PCDHA11: variants seen among roughly 807,000 people sequenced by gnomAD.
PCDHA11 encodes the protein protocadherin alpha 11, also known as protocadherin alpha-11.
In PCDHA11, 61 loss-of-function variants were observed where a neutral mutation model predicts 70.3. The ratio of observed to expected loss-of-function variants is 0.87; its 90% CI spans 0.71 to 1.07. The LOEUF is 1.07. Among genes scored for constraint, PCDHA11 ranks in the 50% least tolerant of loss-of-function variants. The pLI, the probability that PCDHA11 is intolerant of heterozygous loss-of-function variation, is 0.00. For synonymous variants in PCDHA11, 633 were observed against 555.1 expected (o/e 1.14, Z -1.97); for missense variants, 1,324 against 1,237.5 (o/e 1.07, Z -1.05).
intron 1 of PCDHA11, chr5:140,876,687 C>CA (rs2056504367): frequency 1.2e-6 from 2 of 1,614,212 alleles, no homozygotes; most frequent in Non-Finnish European, 1.7e-6. Context: ...AGAATTACTA[C>CA]TCGTTGGTGC....
chr5:140,960,886 A>G (rs1161636963), intron 1 of PCDHA11, among the ~76,000 whole-genome samples: 1 of 152,198 alleles, frequency 6.6e-6, no homozygotes, highest in African/African-American at 2.4e-5. Context: ...CACACTAATG[A>G]ATTTGGGGCA....
intron 1 of PCDHA11, among the ~76,000 whole-genome samples, chr5:140,891,762 G>C (rs554912268): frequency 1.5e-3 from 234 of 152,268 alleles, no homozygotes; most frequent in African/African-American, 4.9e-3. Context: ...GTTGGGAGGT[G>C]GGGAATTTCA....
At position 140,927,544 on chromosome 5, in the gene PCDHA11, C is replaced by G. The variant is rs1442526060; in HGVS notation, c.2392-51405C>G. 2.5e-6 allele frequency: 4 copies of G among 1,614,034 alleles called. No homozygotes were observed. The East Asian group carries it at 6.7e-5, about 27-fold the overall frequency. ...GCTACCTGCCCGCTCAGGAGACGCA[C>G]AAGTCACCATCATTGTGGTGGACAC... On this transcript the variant is annotated intron_variant, in intron 1 of 3. Transcript: ENST00000398640.
intron 1 of PCDHA11, among the ~76,000 whole-genome samples, chr5:140,957,852 A>ATT (rs5871756): frequency 1.3e-5 from 2 of 151,656 alleles, no homozygotes; most frequent in East Asian, 1.9e-4. Flanking sequence ...GAGTTTGTGT[A>ATT]TTTTTTTTCC....
intron 1 of PCDHA11, among the ~76,000 whole-genome samples, chr5:140,911,947 G>C (rs559007219): frequency 6.6e-6 from 1 of 152,144 alleles, no homozygotes; most frequent in African/African-American, 2.4e-5. Context: ...TATATATAAA[G>C]GGGAGGTTAC....
chr5:140,896,718 T>C (rs1331880145), intron 1 of PCDHA11, among the ~76,000 whole-genome samples: 1 of 152,138 alleles, frequency 6.6e-6, no homozygotes, highest in East Asian at 1.9e-4. Context: ...TTTTGCTTGT[T>C]AATTTGTTTA....
rs782014250 is a variant in PCDHA11, at chr5:140,883,952, G to T, written c.2391+12458G>T. On this transcript the variant is annotated intron_variant, in intron 1 of 3. Transcript: ENST00000398640. The stretch of plus-strand genomic sequence containing the variant: ...GTTCGTGCTGGACGAGAACGACAAC[G>T]CTCCGGCGCTGCTGACGCCCGGGGC... 2.0e-5 allele frequency: 32 copies of T among 1,613,030 alleles called. No individual in the cohort carries two copies. The highest frequency in any genetic ancestry group is 2.6e-5 in the Non-Finnish European group (31 of 1,179,806).
Position 141,010,119 on chromosome 5 carries a change from A to G in PCDHA11, c.*182A>G. 6.2e-7 allele frequency: 1 copy of G among 1,608,062 alleles called. No homozygotes were observed. On this transcript the variant is annotated 3_prime_UTR_variant, in exon 4 of 4. Transcript: ENST00000398640. ...TAACAGGTTTTGTCGTAAAAGCTTT[A>G]CTAAGTCTGGTGTTAACTCTTTCTC...
At chr5:140,871,648 T>C (rs948584860) in intron 1 of PCDHA11, 154 bp downstream of exon 1, 2 of 1,275,648 alleles carry the variant, frequency 1.6e-6, no homozygotes, top group Non-Finnish European at 2.1e-6. Context: ...AAATACCAAA[T>C]GATACACATC....
chr5:140,896,561 G>C (rs1562891119), intron 1 of PCDHA11, among the ~76,000 whole-genome samples: 2 of 150,758 alleles, frequency 1.3e-5, no homozygotes, highest in Non-Finnish European at 2.9e-5. Flanking sequence ...ATTTTAAGTA[G>C]AGATGGGGTT....
In PCDHA11 at chr5:140,968,377, T is replaced by C. The variant is rs1461765123; in HGVS notation, c.2392-10572T>C. 2.5e-6 allele frequency: 4 copies of C among 1,613,962 alleles called. No individual in the cohort carries two copies. In the African/African-American group the frequency reaches 4.0e-5, roughly 16 times the overall value. ...GCAGCCTTTATGCTGTCAACTCCTT[T>C]GACTATGAGAAGTTTCGGGAGTTCT... On this transcript the variant is annotated intron_variant, in intron 1 of 3. Transcript: ENST00000398640.
chr5:140,996,141 A>G (rs1238682290), intron 3 of PCDHA11, among the ~76,000 whole-genome samples: 1 of 152,182 alleles, frequency 6.6e-6, no homozygotes, highest in Admixed American at 6.5e-5. Context: ...TTCTCCCATT[A>G]TCTTGCCTTC....
At chr5:140,954,592 T>G (rs1250050362) in intron 1 of PCDHA11, among the ~76,000 whole-genome samples, 13 of 152,236 alleles carry the variant, frequency 8.5e-5, no homozygotes, top group Non-Finnish European at 5.9e-5. Flanking sequence ...TCTGTTCATG[T>G]TCTTTGCCCA....
intron 1 of PCDHA11, among the ~76,000 whole-genome samples, chr5:140,914,462 G>A (rs1554196374): frequency 6.6e-6 from 1 of 152,068 alleles, no homozygotes; most frequent in East Asian, 1.9e-4. Context: ...CAGTCTATGT[G>A]TATCTTCATA....
Position 140,952,580 on chromosome 5 carries a change from A to G in PCDHA11, c.2392-26369A>G, listed in dbSNP as rs538999222. ...ATCAGCACTTCGGTCCCAATCATTCAAGTAGTCTCTAGGAAGTTCTAAGCT... is the reference window on the plus strand; with the variant it reads ...ATCAGCACTTCGGTCCCAATCATTCGAGTAGTCTCTAGGAAGTTCTAAGCT... On this transcript the variant is annotated intron_variant, in intron 1 of 3. Transcript: ENST00000398640. Among the ~76,000 whole-genome samples the G allele has an allele frequency of 2.0e-4, 30 of 152,248 alleles. No homozygotes were observed. In the South Asian group the frequency reaches 2.3e-3, roughly 12 times the overall value.
At chr5:140,927,146 A>T (rs2083897470) in intron 1 of PCDHA11, 1 of 1,614,156 alleles carries the variant, frequency 6.2e-7, no homozygotes, top group East Asian at 2.2e-5. Context: ...GACCGCGAAC[A>T]GCTGTGCAGG....
At chr5:140,958,868 A>G (rs2095446207) in intron 1 of PCDHA11, among the ~76,000 whole-genome samples, 2 of 152,108 alleles carry the variant, frequency 1.3e-5, no homozygotes, top group Non-Finnish European at 2.9e-5. Context: ...CTGGGTTTAT[A>G]AAAGAATTGA....
chr5:140,934,523 C>T (rs782685676), intron 1 of PCDHA11, among the ~76,000 whole-genome samples: 15 of 152,236 alleles, frequency 9.9e-5, no homozygotes, highest in South Asian at 8.3e-4. Context: ...GACCACACTT[C>T]GAGAGCTACC....
At chr5:140,958,953 T>A (rs1489065015) in intron 1 of PCDHA11, among the ~76,000 whole-genome samples, 2 of 144,196 alleles carry the variant, frequency 1.4e-5, no homozygotes, top group Non-Finnish European at 3.1e-5. Flanking sequence ...ATTATATTAT[T>A]ATAATTGTTC....
Sources: gnomAD v4.1 joint callset for allele counts (sites outside exome capture counted in the v4.1 genomes callset) on GRCh38, gnomAD v4.1.1 for gene constraint, MANE v1.5 for transcripts, NCBI Gene and HGNC (gene_info 2026-07-23, HGNC 2026-07-21) for gene names.